LYRM4: variants seen among roughly 807,000 people sequenced by gnomAD.
LYRM4 encodes LYR motif-containing protein 4.
In LYRM4, 9 loss-of-function variants were observed where a neutral mutation model predicts 11.7. The ratio of observed to expected loss-of-function variants is 0.77; its 90% confidence interval spans 0.46 to 1.34. LYRM4 has a LOEUF of 1.34. Among genes scored for constraint, LYRM4 ranks in the 40% most tolerant of loss-of-function variants. The pLI is 0.00. For synonymous variants in LYRM4, 42 were observed against 40.4 expected, an observed-to-expected ratio of 1.04 and a Z score of -0.15; for missense variants, 133 against 112.5, an observed-to-expected ratio of 1.18 and a Z score of -0.82.
In LYRM4 at chr6:5,150,411, G is replaced by T. The variant is rs150852798; in HGVS notation, c.208-40920C>A. The stretch of plus-strand genomic sequence containing the variant: ...CCATCAGACCTGGGTTCAAGTCCCA[G>T]CTTGGCCATGTATTAGTTCTGTGAC... On this transcript the variant is annotated intron_variant, in intron 2 of 2. Coordinates refer to ENST00000330636, the MANE Select transcript of LYRM4 (RefSeq NM_020408.6). Among the ~76,000 whole-genome samples the T allele has an allele frequency of 2.9e-3, 449 of 152,244 alleles. 2 individuals are homozygous for T. The highest frequency in any genetic ancestry group is 0.01 in the African/African-American group (433 of 41,534).
chr6:5,089,740 C>T, the LYRM4 span, among the ~76,000 whole-genome samples: 13 of 152,264 alleles, frequency 8.5e-5, no homozygotes, highest in Admixed American at 3.3e-4. Context: ...GAGACTAGTG[C>T]GTCAAATGTT....
intron 1 of LYRM4, among the ~76,000 whole-genome samples, chr6:5,259,369 C>A (rs548055477): frequency 6.6e-6 from 1 of 152,310 alleles, no homozygotes; most frequent in African/African-American, 2.4e-5. Context: ...CTTATTATTA[C>A]ACTCTTTATT....
the LYRM4 span, among the ~76,000 whole-genome samples, chr6:5,095,185 G>A: frequency 2.6e-5 from 4 of 152,170 alleles, no homozygotes; most frequent in African/African-American, 9.7e-5. Flanking sequence ...ATCGGGGAGA[G>A]GGTGTGATTC....
chr6:5,168,157 A>G (rs2127663314), intron 2 of LYRM4, among the ~76,000 whole-genome samples: 1 of 152,234 alleles, frequency 6.6e-6, no homozygotes, highest in South Asian at 2.1e-4. Flanking sequence ...GAAGGAGGAA[A>G]GAAGAAGCTC....
intron 2 of LYRM4, among the ~76,000 whole-genome samples, chr6:5,176,072 T>TTG (rs1435380799): frequency 1.3e-5 from 2 of 151,602 alleles, no homozygotes; most frequent in Non-Finnish European, 2.9e-5. Context: ...TATTAATTTT[T>TTG]TTTTTTTTTT....
intron 2 of LYRM4, among the ~76,000 whole-genome samples, chr6:5,119,100 C>T (rs922968182): frequency 3.9e-5 from 6 of 152,190 alleles, no homozygotes; most frequent in African/African-American, 1.2e-4. Context: ...CACACTCCAT[C>T]TCCATCCTTC....
chr6:5,142,418 C>T (rs1422931825), intron 2 of LYRM4, among the ~76,000 whole-genome samples: 1 of 152,206 alleles, frequency 6.6e-6, no homozygotes, highest in African/African-American at 2.4e-5. Flanking sequence ...TTCCAATCTT[C>T]CAGCTGAGGT....
chr6:5,230,355 G>A (rs972346755), intron 1 of LYRM4, among the ~76,000 whole-genome samples: 1 of 152,166 alleles, frequency 6.6e-6, no homozygotes, highest in African/African-American at 2.4e-5. Flanking sequence ...TCTTCTAAAA[G>A]TATCACTGTG....
At chr6:5,219,339 C>A (rs1482045594) in intron 1 of LYRM4, among the ~76,000 whole-genome samples, 2 of 151,852 alleles carry the variant, frequency 1.3e-5, no homozygotes, top group Admixed American at 6.6e-5. Context: ...AAAGTCCTTA[C>A]CTAAAGAAAA....
chr6:5,174,769 CT>C (rs1237985691), intron 2 of LYRM4, among the ~76,000 whole-genome samples: 1 of 152,160 alleles, frequency 6.6e-6, no homozygotes, highest in Non-Finnish European at 1.5e-5. Context: ...ATTATCCCCC[CT>C]CTCTTTTGAA....
At chr6:5,256,565 C>A (rs1581612071) in intron 1 of LYRM4, among the ~76,000 whole-genome samples, 1 of 137,068 alleles carries the variant, frequency 7.3e-6, no homozygotes, top group East Asian at 2.4e-4. Context: ...TCTCAGGACC[C>A]TTTTACACTG....
chr6:5,205,181 A>ATATTAC (rs1761621261), intron 2 of LYRM4, among the ~76,000 whole-genome samples: 1 of 152,184 alleles, frequency 6.6e-6, no homozygotes, highest in South Asian at 2.1e-4. Flanking sequence ...AGTCACAATA[A>ATATTAC]AGTGTGTTGT....
intron 2 of LYRM4, 95 bp from the exon 3 acceptor site, chr6:5,109,586 G>A: frequency 9.1e-6 from 12 of 1,316,292 alleles, no homozygotes; most frequent in South Asian, 8.5e-5. Context: ...TAATACAAAC[G>A]TCGGCCATCC....
chr6:5,136,261 A>C (rs927879414), intron 2 of LYRM4: 27 of 981,104 alleles, frequency 2.8e-5, no homozygotes, highest in Non-Finnish European at 3.3e-5. Flanking sequence ...GAGAAATGGA[A>C]TCACTAGATC....
chr6:5,214,766 G>A (rs181067189), intron 2 of LYRM4, among the ~76,000 whole-genome samples: 1 of 152,350 alleles, frequency 6.6e-6, no homozygotes, highest in Admixed American at 6.5e-5. Context: ...GGCTGCATGT[G>A]GATTCAGGAA....
chr6:5,091,934 G>A, the LYRM4 span, among the ~76,000 whole-genome samples: 5 of 152,134 alleles, frequency 3.3e-5, no homozygotes, highest in Non-Finnish European at 7.3e-5. Flanking sequence ...CATTCCCATC[G>A]TTGTCACTGG....
chr6:5,245,765 C>T (rs978663602), intron 1 of LYRM4, among the ~76,000 whole-genome samples: 2 of 152,194 alleles, frequency 1.3e-5, no homozygotes, highest in Non-Finnish European at 2.9e-5. Context: ...GTGTATGGGG[C>T]TGTGAACTTA....
At chr6:5,229,123 TG>T (rs1763080608) in intron 1 of LYRM4, among the ~76,000 whole-genome samples, 1 of 150,600 alleles carries the variant, frequency 6.6e-6, no homozygotes, top group Admixed American at 6.6e-5. Context: ...AAGTTCAAAG[TG>T]AAAAAAGGTC....
At chr6:5,086,826 T>G in the LYRM4 span, 159 of 479,040 alleles carry the variant, frequency 3.3e-4, no homozygotes, top group East Asian at 6.1e-4. Flanking sequence ...GCCTCTAGAA[T>G]TCCCAGCCTG....
Sources: allele counts gnomAD v4.1 joint callset (sites outside exome capture counted in the v4.1 genomes callset), GRCh38; gene constraint gnomAD v4.1.1; transcripts MANE v1.5; gene names NCBI Gene and HGNC (gene_info 2026-07-23, HGNC 2026-07-21).